Variants in TBC1D16 observed in about 807,000 individuals in gnomAD.
The protein encoded by TBC1D16 is TBC1 domain family member 16, also known as CTD-2529O21.1.
A neutral mutation model predicts 74.7 loss-of-function variants in TBC1D16; 58 were observed. The observed-to-expected ratio is 0.78, with a 90% CI of 0.63 to 0.97. TBC1D16 has a LOEUF of 0.97. Among genes scored for constraint, TBC1D16 ranks in the 50% least tolerant of loss-of-function variants. TBC1D16 has a pLI of 0.00. For missense variants in TBC1D16, 1,014 were observed against 1,079.5 expected (o/e 0.94, Z 0.85); for synonymous variants, 493 against 474.7 (o/e 1.04, Z -0.50).
In TBC1D16 at chr17:79,956,217, A is replaced by C. The variant is rs1206447026; in HGVS notation, c.780-3399T>G. Among the ~76,000 whole-genome samples, 2 of 152,186 alleles carry C rather than the reference A, an allele frequency of 1.3e-5. No homozygotes were observed. Among genetic ancestry groups the C allele is most frequent in the Non-Finnish European group, 2.9e-5 (2 of 68,040 alleles). On this transcript the variant is annotated intron_variant, in intron 3 of 11. Coordinates refer to ENST00000310924, the MANE Select transcript of TBC1D16 (RefSeq NM_019020.4). The surrounding 1 kb of genome is among the most constrained non-coding windows in gnomAD (Gnocchi z 4.0). ...GCAACAGCCTGTCCCAGCCCAGCCCAAACCAAAGGTCTGTGAGCAAAGAAG... is the reference window on the plus strand; with the variant it reads ...GCAACAGCCTGTCCCAGCCCAGCCCCAACCAAAGGTCTGTGAGCAAAGAAG...
chr17:80,005,675 G>C (rs1249170950), intron 3 of TBC1D16, among the ~76,000 whole-genome samples: 1 of 152,172 alleles, frequency 6.6e-6, no homozygotes, highest in Non-Finnish European at 1.5e-5. Context: ...ACTTGGTCAA[G>C]GATTTCCAGG....
At position 79,956,605 on chromosome 17, in the gene TBC1D16, G is replaced by A. The variant is rs191631349; in HGVS notation, c.780-3787C>T. Among the ~76,000 whole-genome samples the A allele has an allele frequency of 1.9e-3, 293 of 152,210 alleles. 1 individual carries two copies. The highest frequency in any genetic ancestry group is 6.7e-3 in the African/African-American group (277 of 41,516). On this transcript the variant is annotated intron_variant, in intron 3 of 11. Transcript: ENST00000310924. This position sits in a 1 kb window ranked among gnomAD's most constrained non-coding sequence, Gnocchi z 4.0. ...TGAGGGCGGTTTGTTTCACAGCAACGGATCACTGACACACGCAGGACAAGC... is the reference window on the plus strand; with the variant it reads ...TGAGGGCGGTTTGTTTCACAGCAACAGATCACTGACACACGCAGGACAAGC...
At position 79,973,847 on chromosome 17, in the gene TBC1D16, CCT is replaced by C. The variant is rs532834247; in HGVS notation, c.780-21031_780-21030del. On this transcript the variant is annotated intron_variant, in intron 3 of 11. Coordinates refer to ENST00000310924, the MANE Select transcript of TBC1D16 (RefSeq NM_019020.4). ...TCCACCCTGGGCAACAGAGCAAGAC[CCT>C]GTCTCAAACAAAAACAAAACCAAAA... Among the ~76,000 whole-genome samples the C allele has an allele frequency of 3.2e-3, 482 of 152,232 alleles. 5 individuals are homozygous for C. The highest frequency in any genetic ancestry group is 3.5e-3 in the Non-Finnish European group (240 of 68,028).
In TBC1D16 at chr17:79,939,875, G is replaced by A. The variant is rs1311329330; in HGVS notation, c.*984C>T. The A allele has an allele frequency of 6.6e-6, 1 of 152,166 alleles. No individual in the cohort carries two copies. The highest frequency in any genetic ancestry group is 2.4e-5 in the African/African-American group (1 of 41,416). 9.4% of individuals were successfully genotyped at this position (152,166 alleles called of 1,614,324 possible). A position where few individuals can be genotyped will look rare whatever the true frequency, so the allele number is the denominator to read the frequency against. ...AAGTGGAAGAGTCTAACTATTTCCAGGTGTCCTTGTCTTGGTTGGTCAGCT... is the reference window on the plus strand; with the variant it reads ...AAGTGGAAGAGTCTAACTATTTCCAAGTGTCCTTGTCTTGGTTGGTCAGCT... On this transcript the variant is annotated 3_prime_UTR_variant, in exon 12 of 12. Coordinates refer to ENST00000310924, the MANE Select transcript of TBC1D16 (RefSeq NM_019020.4).
At chr17:80,021,401 A>C (rs2036277815) in intron 1 of TBC1D16, among the ~76,000 whole-genome samples, 1 of 149,706 alleles carries the variant, frequency 6.7e-6, no homozygotes, top group South Asian at 2.1e-4. Flanking sequence ...TCGAGGCTGC[A>C]TTGAGCCATG....
rs867660051 is a variant in TBC1D16, at chr17:79,988,800, C to T, written c.779+21360G>A. ...GCCACAGAAAATCAAAGTCCAATCC[C>T]GCTAAGCATGGTGCTGTGTAGCCCG... On this transcript the variant is annotated intron_variant, in intron 3 of 11. Coordinates refer to ENST00000310924, the MANE Select transcript of TBC1D16 (RefSeq NM_019020.4). This position sits in a 1 kb window ranked among gnomAD's most constrained non-coding sequence, Gnocchi z 5.7. 1.3e-5 allele frequency among the ~76,000 whole-genome samples: 2 copies of T among 152,318 alleles called. No homozygotes were observed. Among genetic ancestry groups the T allele is most frequent in the Middle Eastern group, 3.4e-3 (1 of 294 alleles).
In TBC1D16 at chr17:79,950,668, C is replaced by A; in HGVS notation, c.1090-90G>T. On this transcript the variant is annotated intron_variant, in intron 5 of 11. Coordinates refer to ENST00000310924, the MANE Select transcript of TBC1D16 (RefSeq NM_019020.4). This position sits in a 1 kb window ranked among gnomAD's most constrained non-coding sequence, Gnocchi z 4.6. ...GCTTTTCCCAGGAATAAAAGCCTCT[C>A]TCTCTTCTGAAAGGAGGGCAAGGGC... is the stretch of plus-strand genomic sequence containing the variant. 6.4e-7 allele frequency: 1 copy of A among 1,557,082 alleles called. No homozygotes were observed. Among genetic ancestry groups the A allele is most frequent in the South Asian group, 1.2e-5 (1 of 84,956 alleles).
At position 79,981,156 on chromosome 17, in the gene TBC1D16, C is replaced by T. The variant is rs1355205615; in HGVS notation, c.780-28338G>A. On this transcript the variant is annotated intron_variant, in intron 3 of 11. Coordinates refer to ENST00000310924, the MANE Select transcript of TBC1D16 (RefSeq NM_019020.4). The surrounding 1 kb of genome is among the most constrained non-coding windows in gnomAD (Gnocchi z 6.9). ...GGAAGGACAGAACTTGTTTAGGCATCGTTTCCTCGCTCCCTCCTTAATCTC... is the reference window on the plus strand; with the variant it reads ...GGAAGGACAGAACTTGTTTAGGCATTGTTTCCTCGCTCCCTCCTTAATCTC... 1.3e-5 allele frequency among the ~76,000 whole-genome samples: 2 copies of T among 152,180 alleles called. No individual in the cohort carries two copies. Among genetic ancestry groups the T allele is most frequent in the South Asian group, 2.1e-4 (1 of 4,826 alleles).
At position 79,971,320 on chromosome 17, in the gene TBC1D16, G is replaced by A. The variant is rs900052824; in HGVS notation, c.780-18502C>T. On this transcript the variant is annotated intron_variant, in intron 3 of 11. Coordinates refer to ENST00000310924, the MANE Select transcript of TBC1D16 (RefSeq NM_019020.4). The surrounding 1 kb of genome is among the most constrained non-coding windows in gnomAD (Gnocchi z 4.6). ...TTACAGGTGTGAGGCACCGCACCCG[G>A]CCCACACTCCCAGTATTTTTTAAGT... Among the ~76,000 whole-genome samples the A allele has an allele frequency of 6.6e-6, 1 of 152,162 alleles. No homozygotes were observed. Among genetic ancestry groups the A allele is most frequent in the East Asian group, 1.9e-4 (1 of 5,190 alleles).
chr17:79,998,517 T>TC (rs1278066041), intron 3 of TBC1D16, among the ~76,000 whole-genome samples: 1 of 147,818 alleles, frequency 6.8e-6, no homozygotes, highest in East Asian at 2.0e-4. Flanking sequence ...TATTATAATT[T>TC]TTTTTTTTTT....
chr17:79,952,910 T>C, intron 3 of TBC1D16, 92 bp from the exon 4 acceptor site: 6 of 1,458,662 alleles, frequency 4.1e-6, no homozygotes, highest in Non-Finnish European at 4.6e-6. Flanking sequence ...CATTTAAACC[T>C]ACGCACCAAG....
At chr17:80,027,597 CA>C (rs879442840) in intron 1 of TBC1D16, among the ~76,000 whole-genome samples, 73 of 138,936 alleles carry the variant, frequency 5.3e-4, no homozygotes, top group Admixed American at 1.0e-3. Flanking sequence ...GACCCTGTCT[CA>C]AAAAAAAAAA....
At chr17:79,997,477 C>T (rs2144564359) in intron 3 of TBC1D16, among the ~76,000 whole-genome samples, 1 of 152,252 alleles carries the variant, frequency 6.6e-6, no homozygotes, top group East Asian at 1.9e-4. Context: ...TAGCCTAAAC[C>T]GGGGGATCCA....
Position 79,956,055 on chromosome 17 carries a change from G to T in TBC1D16, c.780-3237C>A, listed in dbSNP as rs1274805277. The stretch of plus-strand genomic sequence containing the variant: ...CAGTGCAGGCAAGACAGACAGACGA[G>T]AGCTCATGAGAGAGACACGCAACTG... On this transcript the variant is annotated intron_variant, in intron 3 of 11. Coordinates refer to ENST00000310924, the MANE Select transcript of TBC1D16 (RefSeq NM_019020.4). This position sits in a 1 kb window ranked among gnomAD's most constrained non-coding sequence, Gnocchi z 4.0. Among the ~76,000 whole-genome samples, 1 of 152,126 alleles carries T rather than the reference G, an allele frequency of 6.6e-6. No individual in the cohort carries two copies. Among genetic ancestry groups the T allele is most frequent in the Non-Finnish European group, 1.5e-5 (1 of 68,030 alleles).
rs1485232741 is a variant in TBC1D16, at chr17:79,985,195, C to T, written c.779+24965G>A. 6.6e-6 allele frequency among the ~76,000 whole-genome samples: 1 copy of T among 152,170 alleles called. No individual in the cohort carries two copies. The highest frequency in any genetic ancestry group is 1.5e-5 in the Non-Finnish European group (1 of 68,036). ...AAGCCTGCAGCAGCATCACTCCCAT[C>T]TCTGCCTCCATCTCCCTGCCCCTCC... On this transcript the variant is annotated intron_variant, in intron 3 of 11. Coordinates refer to ENST00000310924, the MANE Select transcript of TBC1D16 (RefSeq NM_019020.4). The surrounding 1 kb of genome is among the most constrained non-coding windows in gnomAD (Gnocchi z 4.9).
At chr17:80,025,463 G>A (rs543885023) in intron 1 of TBC1D16, among the ~76,000 whole-genome samples, 1 of 150,142 alleles carries the variant, frequency 6.7e-6, no homozygotes, top group Non-Finnish European at 1.5e-5. Context: ...AGCTGGAGGA[G>A]GGGGCGCCTA....
rs114186071 is a variant in TBC1D16, at chr17:79,992,515, C to T, written c.779+17645G>A. Among the ~76,000 whole-genome samples, 951 of 152,342 alleles carry T rather than the reference C, an allele frequency of 6.2e-3. 4 individuals are homozygous for T. The highest frequency in any genetic ancestry group is 0.022 in the African/African-American group (917 of 41,576). On this transcript the variant is annotated intron_variant, in intron 3 of 11. Transcript: ENST00000310924. ...AGAGACCGTAGCTACCAAAAATAAT[C>T]CTCCCAGTGTTTAAATATTTACAGA...
At chr17:79,972,705 T>C (rs7221197) in intron 3 of TBC1D16, among the ~76,000 whole-genome samples, 21,838 of 152,012 alleles carry the variant, frequency 0.14, 2,023 homozygotes, top group African/African-American at 0.26. Context: ...GTTGGGAAGA[T>C]GAAAAAGTTC....
At chr17:79,989,572 G>A (rs1461253867) in intron 3 of TBC1D16, among the ~76,000 whole-genome samples, 1 of 152,216 alleles carries the variant, frequency 6.6e-6, no homozygotes, top group Non-Finnish European at 1.5e-5. Context: ...ATGGCAAACT[G>A]GCCTTGTGGA....
Sources: gnomAD v4.1 joint callset for allele counts (sites outside exome capture counted in the v4.1 genomes callset) on GRCh38, gnomAD v4.1.1 for gene constraint, Gnocchi (gnomAD v3.1) non-coding constraint, MANE v1.5 for transcripts, NCBI Gene and HGNC (gene_info 2026-07-23, HGNC 2026-07-21) for gene names.